ZDHHC15: variants seen among roughly 807,000 people sequenced by gnomAD.
ZDHHC15 encodes the protein palmitoyltransferase ZDHHC15.
ZDHHC15 carries 19 observed loss-of-function variants against 31.7 expected under a neutral mutation model. The observed-to-expected ratio is 0.60, with a 90% CI of 0.42 to 0.88. ZDHHC15 has a LOEUF of 0.88. Among genes scored for constraint, ZDHHC15 ranks in the 40% least tolerant of loss-of-function variants. The probability of loss-of-function intolerance (pLI) is 0.00; values close to 1 mark genes in which losing one functional copy is unlikely to be tolerated. For missense variants in ZDHHC15, 209 were observed against 251.2 expected (o/e 0.83, Z 1.14); for synonymous variants, 103 against 90.0 (o/e 1.14, Z -0.82).
chrX:75,496,732 T>C (rs752980882), intron 2 of ZDHHC15, among the ~76,000 whole-genome samples: 1 of 111,436 alleles, frequency 9.0e-6, no homozygotes, highest in Admixed American at 9.6e-5. Context: ...TACATGGAAA[T>C]TAAATAATCT....
chrX:75,493,832 A>C (rs1323475455), intron 2 of ZDHHC15, among the ~76,000 whole-genome samples: 1 of 111,751 alleles, frequency 8.9e-6, no homozygotes, highest in Non-Finnish European at 1.9e-5. Context: ...TATCATACTG[A>C]ATGGGCAAAA....
In ZDHHC15 at chrX:75,484,767, T is replaced by C. The variant is rs749294077; in HGVS notation, c.164-5782A>G. 2.3e-4 allele frequency among the ~76,000 whole-genome samples: 26 copies of C among 112,104 alleles called. 1 individual carries two copies. Among genetic ancestry groups the C allele is most frequent in the South Asian group, 2.2e-3 (6 of 2,715 alleles). On this transcript the variant is annotated intron_variant, in intron 2 of 11. Transcript: ENST00000373367. ...ATATCTCCACAAAGGCTTATACATATATATTCTTATCAGCTTTATTCAAAA... is the reference window on the plus strand; with the variant it reads ...ATATCTCCACAAAGGCTTATACATACATATTCTTATCAGCTTTATTCAAAA...
At chrX:75,402,045 G>A (rs924843637) in intron 10 of ZDHHC15, among the ~76,000 whole-genome samples, 1 of 111,975 alleles carries the variant, frequency 8.9e-6, no homozygotes, top group African/African-American at 3.2e-5. Flanking sequence ...ACACACTCTG[G>A]AACCACAGTG....
At chrX:75,406,231 C>T (rs1317222965) in intron 10 of ZDHHC15, among the ~76,000 whole-genome samples, 4 of 110,785 alleles carry the variant, frequency 3.6e-5, no homozygotes, top group East Asian at 2.8e-4. Flanking sequence ...TATATAAATG[C>T]CTACATCAAA....
intron 10 of ZDHHC15, among the ~76,000 whole-genome samples, chrX:75,394,066 A>T (rs1377913657): frequency 9.0e-6 from 1 of 111,368 alleles, no homozygotes; most frequent in African/African-American, 3.3e-5. Flanking sequence ...TCAAATGTTA[A>T]CCTCCTTTGG....
At chrX:75,384,330 C>T in intron 10 of ZDHHC15, 1 of 785,069 alleles carries the variant, frequency 1.3e-6, no homozygotes, top group Non-Finnish European at 1.9e-6. Context: ...CCGCCATCTT[C>T]CAGTAATTCG....
At chrX:75,430,130 C>T in intron 5 of ZDHHC15, 150 bp from the exon 6 acceptor site, 6 of 555,836 alleles carry the variant, frequency 1.1e-5, no homozygotes, top group Non-Finnish European at 1.7e-5. Flanking sequence ...AAAACTGTGG[C>T]CCTCAGTTAT....
In ZDHHC15 at chrX:75,481,161, T is replaced by C. The variant is rs1325244753; in HGVS notation, c.164-2176A>G. ...TTTGTTTCTTTGATTTTATGAGGTT[T>C]GTACGGGGAAAATTACATGACTAAG... On this transcript the variant is annotated intron_variant, in intron 2 of 11. Coordinates refer to ENST00000373367, the MANE Select transcript of ZDHHC15 (RefSeq NM_144969.3). Among the ~76,000 whole-genome samples, 4 of 111,545 alleles carry C rather than the reference T, an allele frequency of 3.6e-5. No individual in the cohort carries two copies. The East Asian group carries it at 1.1e-3, about 32-fold the overall frequency.
chrX:75,471,365 T>C (rs753019845), intron 3 of ZDHHC15, among the ~76,000 whole-genome samples: 5 of 112,356 alleles, frequency 4.5e-5, no homozygotes, highest in East Asian at 2.8e-4. Context: ...ATTATGCTGA[T>C]TGGATCCAGT....
intron 10 of ZDHHC15, among the ~76,000 whole-genome samples, chrX:75,380,914 A>G (rs753210420): frequency 9.0e-6 from 1 of 111,464 alleles, no homozygotes; most frequent in East Asian, 2.8e-4. Context: ...TTACTTTAAA[A>G]TTCTAGGTTC....
At chrX:75,453,942 G>T (rs1316481811) in intron 3 of ZDHHC15, among the ~76,000 whole-genome samples, 1 of 111,271 alleles carries the variant, frequency 9.0e-6, no homozygotes, top group Non-Finnish European at 1.9e-5. Flanking sequence ...ATACTGAATG[G>T]GCAAAAACTG....
intron 4 of ZDHHC15, among the ~76,000 whole-genome samples, chrX:75,438,989 C>T (rs993861683): frequency 9.0e-6 from 1 of 111,127 alleles, no homozygotes; most frequent in Non-Finnish European, 1.9e-5. Context: ...GACCCAAATC[C>T]CTTCTAGTTT....
intron 4 of ZDHHC15, among the ~76,000 whole-genome samples, chrX:75,447,879 G>T (rs1602641453): frequency 9.0e-6 from 1 of 111,627 alleles, no homozygotes; most frequent in Non-Finnish European, 1.9e-5. Flanking sequence ...TGAATCAACA[G>T]GACAAGAGGC....
Position 75,424,706 on chromosome X carries a change from C to A in ZDHHC15, c.682G>T (p.Val228Leu). 8.3e-7 allele frequency: 1 copy of A among 1,206,721 alleles called. No homozygotes were observed. Among genetic ancestry groups the A allele is most frequent in the South Asian group, 1.8e-5 (1 of 56,062 alleles). Residue 228 changes from valine to leucine, a missense_variant, in exon 8 of 12, where the codon GTG (valine) becomes TTG (leucine). By Grantham distance (32) the Val-to-Leu change is conservative. Coordinates refer to ENST00000373367, the MANE Select transcript of ZDHHC15 (RefSeq NM_144969.3). The stretch of plus-strand genomic sequence containing the variant: ...CAACAATGGTAACCAAAGAGAATCA[C>A]AAGGCTGACAAAAAACATGCAGGCC... ...FVACMFFVSL[V>L]ILFGYHCWLV...
chrX:75,440,153 C>T (rs1374723130), intron 4 of ZDHHC15, among the ~76,000 whole-genome samples: 1 of 112,335 alleles, frequency 8.9e-6, no homozygotes, highest in East Asian at 2.8e-4. Context: ...GCTGTTTGTG[C>T]TAACAGTGAA....
intron 3 of ZDHHC15, among the ~76,000 whole-genome samples, chrX:75,464,405 G>A (rs987513265): frequency 9.1e-6 from 1 of 110,424 alleles, no homozygotes; most frequent in Non-Finnish European, 1.9e-5. Flanking sequence ...TGCACGTTGT[G>A]CACATGTACC....
chrX:75,433,413 C>A (rs1023225675), intron 4 of ZDHHC15, among the ~76,000 whole-genome samples: 5 of 110,734 alleles, frequency 4.5e-5, no homozygotes, highest in African/African-American at 1.6e-4. Flanking sequence ...AGCATGTAGT[C>A]TGTTAACCCT....
At chrX:75,510,669 G>A (rs1268424883) in intron 1 of ZDHHC15, among the ~76,000 whole-genome samples, 1 of 86,174 alleles carries the variant, frequency 1.2e-5, no homozygotes, top group Non-Finnish European at 2.2e-5. Flanking sequence ...CTGGTGCGCT[G>A]CACCCACTAA....
chrX:75,478,369 C>T (rs1207271215), intron 3 of ZDHHC15, among the ~76,000 whole-genome samples: 2 of 111,053 alleles, frequency 1.8e-5, no homozygotes, highest in African/African-American at 3.3e-5. Context: ...ATCACCAATG[C>T]AGGTAGTGGT....
Sources: allele counts gnomAD v4.1 joint callset (sites outside exome capture counted in the v4.1 genomes callset), GRCh38; gene constraint gnomAD v4.1.1; transcripts MANE v1.5; gene names NCBI Gene and HGNC (gene_info 2026-07-23, HGNC 2026-07-21).